Variants in GHR observed in about 807,000 individuals in gnomAD.
The protein encoded by GHR is growth hormone receptor.
Under a neutral mutation model 67.1 loss-of-function variants are expected in GHR, and 35 were observed. The ratio of observed to expected loss-of-function variants is 0.52; its 90% CI spans 0.40 to 0.69. The LOEUF (loss-of-function observed/expected upper bound fraction) is 0.69, where lower values mean the gene tolerates loss of function less well. Ranked by LOEUF, GHR falls within the 30% of genes least tolerant of loss-of-function variation. The probability of loss-of-function intolerance (pLI) is 0.00; values close to 1 mark genes in which losing one functional copy is unlikely to be tolerated. For synonymous variants in GHR, 272 were observed against 269.1 expected, an observed-to-expected ratio of 1.01 and a Z score of -0.10; for missense variants, 792 against 764.6, an observed-to-expected ratio of 1.04 and a Z score of -0.42.
intron 1 of GHR, among the ~76,000 whole-genome samples, chr5:42,527,158 G>A (rs1000037760): frequency 5.9e-5 from 9 of 152,054 alleles, no homozygotes; most frequent in African/African-American, 2.2e-4. Flanking sequence ...ACACTATAAA[G>A]CAACCACAAA....
chr5:42,624,551 G>A (rs900889310), intron 2 of GHR, among the ~76,000 whole-genome samples: 1 of 152,138 alleles, frequency 6.6e-6, no homozygotes, highest in Non-Finnish European at 1.5e-5. Flanking sequence ...CATATTTAAT[G>A]TATACAGCTT....
intron 1 of GHR, among the ~76,000 whole-genome samples, chr5:42,469,725 A>G (rs1008984147): frequency 2.0e-5 from 3 of 152,178 alleles, no homozygotes; most frequent in Admixed American, 1.3e-4. Flanking sequence ...TGACACCTAT[A>G]TCACCCAGAC....
intron 3 of GHR, among the ~76,000 whole-genome samples, chr5:42,688,383 G>A (rs541526088): frequency 2.0e-5 from 3 of 152,284 alleles, no homozygotes; most frequent in South Asian, 2.1e-4. Flanking sequence ...TACTGGGAGC[G>A]GTAGATAAAT....
At chr5:42,565,539 T>C (rs535238119) in intron 1 of GHR, 1 of 985,392 alleles carries the variant, frequency 1.0e-6, no homozygotes, top group South Asian at 4.7e-5. Flanking sequence ...AAGCAAACCT[T>C]ACTGGCCCTG....
At chr5:42,521,716 T>C (rs1022126509) in intron 1 of GHR, among the ~76,000 whole-genome samples, 2 of 152,180 alleles carry the variant, frequency 1.3e-5, no homozygotes, top group African/African-American at 4.8e-5. Flanking sequence ...TACTTATTTA[T>C]GAAGAAAGAG....
chr5:42,681,370 C>A (rs1358859865), intron 3 of GHR, among the ~76,000 whole-genome samples: 2 of 152,062 alleles, frequency 1.3e-5, no homozygotes, highest in Non-Finnish European at 2.9e-5. Context: ...CTCATCATCA[C>A]TGGTCATCAG....
At chr5:42,477,900 T>C (rs1745415934) in intron 1 of GHR, among the ~76,000 whole-genome samples, 1 of 152,220 alleles carries the variant, frequency 6.6e-6, no homozygotes, top group Non-Finnish European at 1.5e-5. Context: ...AGATCCCATT[T>C]GTCAATTTTT....
chr5:42,456,109 G>T (rs1253509017), intron 1 of GHR, among the ~76,000 whole-genome samples: 5 of 152,206 alleles, frequency 3.3e-5, no homozygotes. Flanking sequence ...TCAAGAGATG[G>T]AGAACATCCT....
chr5:42,587,702 A>T (rs1425758050), intron 2 of GHR, among the ~76,000 whole-genome samples: 1 of 151,034 alleles, frequency 6.6e-6, no homozygotes, highest in Non-Finnish European at 1.5e-5. Context: ...AGAAACAGAG[A>T]CTTGACTTAT....
rs1219212482 is a variant in GHR at position 42,423,927 on chromosome 5, C to T, written c.-40C>T. The stretch of plus-strand genomic sequence containing the variant: ...TGGCCCCAGCGCAGACGCGAACCCG[C>T]GCTCTCTGATCAGAGGCGAAGCTCG... On this transcript the variant is annotated 5_prime_UTR_variant, in exon 1 of 10. Transcript: ENST00000230882. The T allele has an allele frequency of 6.5e-6, 1 of 153,794 alleles. No individual in the cohort carries two copies. Among genetic ancestry groups the T allele is most frequent in the Admixed American group, 6.5e-5 (1 of 15,270 alleles). 9.5% of individuals were successfully genotyped at this position (153,794 alleles called of 1,614,324 possible).
At chr5:42,707,432 C>T (rs553486563) in intron 6 of GHR, among the ~76,000 whole-genome samples, 24 of 151,662 alleles carry the variant, frequency 1.6e-4, no homozygotes, top group Admixed American at 3.3e-4. Context: ...ATTGCTTTGC[C>T]AATTGGGCTG....
In GHR at chr5:42,588,039, T is replaced by A. The variant is rs147115993; in HGVS notation, c.70+22095T>A. Among the ~76,000 whole-genome samples the A allele has an allele frequency of 5.2e-3, 787 of 152,310 alleles. 6 individuals are homozygous for A. The highest frequency in any genetic ancestry group is 0.017 in the Middle Eastern group (5 of 294). On this transcript the variant is annotated intron_variant, in intron 2 of 9. Transcript: ENST00000230882. ...GAGGGCTGAGTCAGGGAGACTAAGA[T>A]TTTCAAGGTCAAATTGTATATTGTT...
intron 1 of GHR, among the ~76,000 whole-genome samples, chr5:42,555,767 C>T (rs932726775): frequency 6.6e-6 from 1 of 152,122 alleles, no homozygotes; most frequent in African/African-American, 2.4e-5. Flanking sequence ...AGGATGTAAT[C>T]GTGAGTGAGA....
At chr5:42,508,177 A>G (rs746934110) in intron 1 of GHR, among the ~76,000 whole-genome samples, 28 of 152,340 alleles carry the variant, frequency 1.8e-4, no homozygotes, top group Middle Eastern at 6.8e-3. Context: ...ATTGCTGGTC[A>G]GTTCAGCCTG....
At chr5:42,607,089 C>T (rs1278104538) in intron 2 of GHR, among the ~76,000 whole-genome samples, 5 of 152,046 alleles carry the variant, frequency 3.3e-5, no homozygotes, top group African/African-American at 1.2e-4. Context: ...GGCAGTTCCC[C>T]CTTTGCTCAC....
chr5:42,575,706 T>G (rs1377010128), intron 2 of GHR, among the ~76,000 whole-genome samples: 6 of 142,902 alleles, frequency 4.2e-5, no homozygotes, highest in Admixed American at 7.1e-5. Flanking sequence ...GGTGTGGGAG[T>G]GAAACCACAC....
At chr5:42,684,320 C>CA (rs1397043854) in intron 3 of GHR, among the ~76,000 whole-genome samples, 2 of 152,226 alleles carry the variant, frequency 1.3e-5, no homozygotes, top group Non-Finnish European at 2.9e-5. Context: ...CTAGAGTACA[C>CA]ATCTCTCAAT....
At chr5:42,534,634 A>G (rs1003174208) in intron 1 of GHR, among the ~76,000 whole-genome samples, 9 of 151,998 alleles carry the variant, frequency 5.9e-5, no homozygotes, top group Non-Finnish European at 1.2e-4. Flanking sequence ...GTGTGCAAGT[A>G]TCTTTTTCTT....
At chr5:42,534,230 GTA>G (rs1190101966) in intron 1 of GHR, among the ~76,000 whole-genome samples, 1 of 118,652 alleles carries the variant, frequency 8.4e-6, no homozygotes, top group Non-Finnish European at 1.7e-5. Context: ...ATGTACATGT[GTA>G]TATGTGTATA....
Sources: gnomAD v4.1 joint callset for allele counts (sites outside exome capture counted in the v4.1 genomes callset) on GRCh38, gnomAD v4.1.1 for gene constraint, MANE v1.5 for transcripts, NCBI Gene and HGNC (gene_info 2026-07-23, HGNC 2026-07-21) for gene names.